NALCN: variants seen among roughly 807,000 people sequenced by gnomAD.
The protein encoded by NALCN is sodium leak channel NALCN.
A neutral mutation model predicts 225.3 loss-of-function variants in NALCN; 111 were observed. The ratio of observed to expected loss-of-function variants is 0.49; its 90% CI spans 0.42 to 0.58. The LOEUF (loss-of-function observed/expected upper bound fraction) is 0.58, where lower values mean the gene tolerates loss of function less well. NALCN is among the 20% of genes least tolerant of loss of function. The probability of loss-of-function intolerance (pLI) is 0.00; values close to 1 mark genes in which losing one functional copy is unlikely to be tolerated. For synonymous variants in NALCN, 764 were observed against 769.0 expected (o/e 0.99, Z 0.11); for missense variants, 1,378 against 2,202.4 (o/e 0.63, Z 7.49).
At chr13:101,357,262 T>C (rs780992943) in intron 6 of NALCN, among the ~76,000 whole-genome samples, 3 of 152,048 alleles carry the variant, frequency 2.0e-5, no homozygotes, top group Non-Finnish European at 4.4e-5. Context: ...TTTCCAGATG[T>C]CGTGATTCTA....
intron 6 of NALCN, among the ~76,000 whole-genome samples, chr13:101,375,684 A>G (rs1165644525): frequency 6.6e-6 from 1 of 152,210 alleles, no homozygotes; most frequent in East Asian, 1.9e-4. Context: ...AGATTTTTCA[A>G]TCGGTAATTT....
intron 20 of NALCN, 102 bp downstream of exon 20, chr13:101,110,517 C>T: frequency 8.1e-7 from 1 of 1,236,944 alleles, no homozygotes; most frequent in Non-Finnish European, 1.2e-6. Context: ...CTTAAGGAGA[C>T]ATGGGAATGC....
At chr13:101,326,897 T>C (rs1049443511) in intron 7 of NALCN, among the ~76,000 whole-genome samples, 2 of 152,194 alleles carry the variant, frequency 1.3e-5, no homozygotes, top group East Asian at 3.9e-4. Flanking sequence ...CCATGTGGCC[T>C]CTTCTCCTTT....
rs779232124 is a variant in NALCN at position 101,269,850 on chromosome 13, T to C, written c.1135-11276A>G. Reference sequence around the variant, plus strand: ...ATACACTCAAGTGTCAGTGAAATACTAGAGTAAAAATTAAGAATGAAAATG... The same window carrying C: ...ATACACTCAAGTGTCAGTGAAATACCAGAGTAAAAATTAAGAATGAAAATG... On this transcript the variant is annotated intron_variant, in intron 10 of 43. Transcript: ENST00000251127. 9.9e-5 allele frequency among the ~76,000 whole-genome samples: 15 copies of C among 152,202 alleles called. No individual in the cohort carries two copies. In the East Asian group the frequency reaches 1.7e-3, roughly 18 times the overall value.
chr13:101,060,294 T>TTTTTTTTTTG, intron 41 of NALCN, among the ~76,000 whole-genome samples: 1 of 145,790 alleles, frequency 6.9e-6, no homozygotes, highest in Middle Eastern at 3.3e-3. Context: ...TTTTTTTTTT[T>TTTTTTTTTTG]AGATAGGATC....
At position 101,082,839 on chromosome 13, in the gene NALCN, T is replaced by C. The variant is rs111383689; in HGVS notation, c.3735A>G (p.Ser1245=). 861 of 1,614,134 alleles carry C rather than the reference T, an allele frequency of 5.3e-4. 1 individual carries two copies. In the African/African-American group the frequency reaches 0.01, roughly 19 times the overall value. ...GAACAAAGATGAAGGTGAAAACAAC[T>C]GACATTGTTGCCAAAGGTACGGTCA... The part of the protein sequence containing the change: ...DPVTVPLATM[S]VVFTFIFVLE... The change falls in exon 33 of 44, where the codon TCA becomes TCG. Residue 1245 remains serine, a synonymous_variant. Coordinates refer to ENST00000251127, the MANE Select transcript of NALCN (RefSeq NM_052867.4).
At chr13:101,291,637 TC>T (rs2043555844) in intron 9 of NALCN, among the ~76,000 whole-genome samples, 1 of 152,204 alleles carries the variant, frequency 6.6e-6, no homozygotes, top group Admixed American at 6.5e-5. Flanking sequence ...ACCTTTGACC[TC>T]CTGAGCTCAA....
At chr13:101,377,120 A>T (rs775601084) in intron 4 of NALCN, 64 bp from the exon 5 acceptor site, 10 of 1,601,824 alleles carry the variant, frequency 6.2e-6, no homozygotes, top group Non-Finnish European at 8.5e-6. Context: ...TAGTCATGGA[A>T]CATACAGATG....
intron 15 of NALCN, among the ~76,000 whole-genome samples, chr13:101,155,978 T>C (rs1254155919): frequency 6.6e-6 from 1 of 152,218 alleles, no homozygotes; most frequent in African/African-American, 2.4e-5. Context: ...TCTGAGAGAA[T>C]CAGTTGTCCC....
chr13:101,365,043 T>C (rs548279806), intron 6 of NALCN, among the ~76,000 whole-genome samples: 2 of 150,472 alleles, frequency 1.3e-5, no homozygotes, highest in East Asian at 3.9e-4. Context: ...GTATTTCTTT[T>C]TCTTTTAACT....
intron 6 of NALCN, among the ~76,000 whole-genome samples, chr13:101,348,511 T>C (rs922936424): frequency 1.3e-5 from 2 of 152,170 alleles, no homozygotes; most frequent in Non-Finnish European, 2.9e-5. Flanking sequence ...TTGCATTCTT[T>C]GTAGGGGCAT....
At chr13:101,378,465 A>G in intron 4 of NALCN, 105 bp downstream of exon 4, 4 of 782,474 alleles carry the variant, frequency 5.1e-6, no homozygotes, top group Non-Finnish European at 7.9e-6. Flanking sequence ...CAATTACACA[A>G]TCACATTTGA....
Position 101,062,066 on chromosome 13 carries a change from G to A in NALCN, c.4657C>T (p.Leu1553Phe). The part of the protein sequence containing the change: ...DIRKSLQLEE[L>F]LAREQLEYTI... The stretch of plus-strand genomic sequence containing the variant: ...TACTCCAGCTGCTCCCTCGCCAGGA[G>A]TTCCTCCAGCTGCAAGCTCTTCCGG... The change falls in exon 41 of 44, where the codon CTC (leucine) becomes TTC (phenylalanine). Residue 1553 changes from leucine to phenylalanine, a missense_variant. Physicochemically the swap from Leu to Phe is conservative, Grantham distance 22 (BLOSUM62 0). Around this residue, in one of 19 missense-constraint regions of NALCN, gnomAD observed 94 missense variants for 170.3 expected, o/e 0.55. Transcript: ENST00000251127. 6.2e-7 allele frequency: 1 copy of A among 1,614,152 alleles called. No individual in the cohort carries two copies. Among genetic ancestry groups the A allele is most frequent in the Non-Finnish European group, 8.5e-7 (1 of 1,180,000 alleles).
At chr13:101,176,267 C>CT (rs768874128) in intron 15 of NALCN, 33 bp downstream of exon 15, 12 of 1,467,102 alleles carry the variant, frequency 8.2e-6, no homozygotes, top group East Asian at 2.6e-5. Flanking sequence ...GTTTTTTGTC[C>CT]TTTTTAAAAA....
At chr13:101,090,842 A>G (rs1436167817) in intron 28 of NALCN, among the ~76,000 whole-genome samples, 5 of 151,934 alleles carry the variant, frequency 3.3e-5, no homozygotes, top group Admixed American at 1.3e-4. Context: ...CCAACAGGTA[A>G]TTTTTCCAAC....
chr13:101,097,998 C>G (rs1297601381), intron 27 of NALCN, among the ~76,000 whole-genome samples: 1 of 152,164 alleles, frequency 6.6e-6, no homozygotes, highest in Non-Finnish European at 1.5e-5. Context: ...CAGGCCATCA[C>G]CTCTCCTGAA....
At chr13:101,393,141 A>G (rs1428957005) in intron 3 of NALCN, among the ~76,000 whole-genome samples, 1 of 152,230 alleles carries the variant, frequency 6.6e-6, no homozygotes, top group Non-Finnish European at 1.5e-5. Flanking sequence ...TGATACTTCT[A>G]ACACACACAG....
rs145356193 is a variant in NALCN, at chr13:101,351,736, A to G, written c.645-6316T>C. On this transcript the variant is annotated intron_variant, in intron 6 of 43. Transcript: ENST00000251127. ...CAGAAGGACCTCATAACGCTTTCAT[A>G]TAAAAGAAAAGGGATATACTTAAGC... Among the ~76,000 whole-genome samples the G allele has an allele frequency of 6.8e-4, 103 of 152,348 alleles. No individual in the cohort carries two copies. The East Asian group carries it at 0.017, about 25-fold the overall frequency.
chr13:101,364,527 T>G (rs1468052129), intron 6 of NALCN, among the ~76,000 whole-genome samples: 1 of 152,002 alleles, frequency 6.6e-6, no homozygotes, highest in East Asian at 1.9e-4. Context: ...AGGCCTTAAG[T>G]AAGTGGATCT....
Sources: gnomAD v4.1 joint callset for allele counts (sites outside exome capture counted in the v4.1 genomes callset) on GRCh38, gnomAD v4.1.1 for gene constraint, gnomAD v4.1.1 regional missense constraint, MANE v1.5 for transcripts, NCBI Gene and HGNC (gene_info 2026-07-23, HGNC 2026-07-21) for gene names.